RARB: variants seen among roughly 807,000 people sequenced by gnomAD.
RARB encodes retinoic acid receptor beta, also known as HBV-activated protein.
Under a neutral mutation model 51.9 loss-of-function variants are expected in RARB, and 17 were observed. That is an observed-to-expected ratio of 0.33 (90% CI 0.22 to 0.49). The LOEUF is 0.49. Ranked by LOEUF, RARB falls within the 20% of genes least tolerant of loss-of-function variation. The probability of loss-of-function intolerance (pLI) is 0.99; values close to 1 mark genes in which losing one functional copy is unlikely to be tolerated. For synonymous variants in RARB, 215 were observed against 195.4 expected, an observed-to-expected ratio of 1.10 and a Z score of -0.84; for missense variants, 369 against 550.8, an observed-to-expected ratio of 0.67 and a Z score of 3.30.
intron 2 of RARB, among the ~76,000 whole-genome samples, chr3:24,985,531 G>A (rs1043947703): frequency 6.6e-6 from 1 of 152,012 alleles, no homozygotes; most frequent in East Asian, 1.9e-4. Flanking sequence ...GTTTTCCTTT[G>A]GGGAAAAATT....
At chr3:24,975,144 G>A (rs1696483666) in intron 2 of RARB, among the ~76,000 whole-genome samples, 1 of 152,090 alleles carries the variant, frequency 6.6e-6, no homozygotes, top group African/African-American at 2.4e-5. Context: ...TAAGGATTTG[G>A]GGTTAGAATC....
At chr3:25,550,607 C>T (rs905560684) in intron 3 of RARB, among the ~76,000 whole-genome samples, 1 of 152,192 alleles carries the variant, frequency 6.6e-6, no homozygotes, top group Admixed American at 6.5e-5. Context: ...TTAGGTTTCA[C>T]TTTATTTAAA....
chr3:24,918,172 C>T (rs1279577812), intron 2 of RARB, among the ~76,000 whole-genome samples: 1 of 152,140 alleles, frequency 6.6e-6, no homozygotes, highest in African/African-American at 2.4e-5. Context: ...TGGTGAATGA[C>T]TAAACAAAAA....
At position 25,257,886 on chromosome 3, in the gene RARB, C is replaced by T. The variant is rs536130092; in HGVS notation, c.178+83311C>T. 9.2e-5 allele frequency among the ~76,000 whole-genome samples: 14 copies of T among 152,260 alleles called. No homozygotes were observed. The East Asian group carries it at 1.7e-3, about 19-fold the overall frequency. ...TCAGCCTGAAAAACTCAACCTTTCT[C>T]ATCAAAGCACAAATCATGTGTCTAC... is the stretch of plus-strand genomic sequence containing the variant. On this transcript the variant is annotated intron_variant, in intron 5 of 11. Transcript: ENST00000383772.
intron 2 of RARB, among the ~76,000 whole-genome samples, chr3:25,022,383 G>A (rs1442035606): frequency 1.3e-5 from 2 of 152,162 alleles, no homozygotes; most frequent in African/African-American, 4.8e-5. Context: ...CCCTTTGTGA[G>A]ACACATCCAT....
At chr3:25,445,187 C>G (rs919122238) in intron 1 of RARB, among the ~76,000 whole-genome samples, 1 of 151,998 alleles carries the variant, frequency 6.6e-6, no homozygotes, top group Admixed American at 6.6e-5. Context: ...TGAGCTCAGG[C>G]AATCTGCCCG....
upstream of RARB, among the ~76,000 whole-genome samples, chr3:25,423,355 A>C (rs1707909171): frequency 6.6e-6 from 1 of 152,276 alleles, no homozygotes; most frequent in Non-Finnish European, 1.5e-5. Flanking sequence ...AATGCAGTGC[A>C]TTGATGTACA....
At chr3:25,164,529 T>C (rs981500964) in intron 4 of RARB, among the ~76,000 whole-genome samples, 1 of 152,212 alleles carries the variant, frequency 6.6e-6, no homozygotes, top group Non-Finnish European at 1.5e-5. Flanking sequence ...GCTTTTTTGT[T>C]GTCTTGACTT....
At chr3:25,469,598 G>C (rs1056425897) in intron 2 of RARB, among the ~76,000 whole-genome samples, 2 of 152,198 alleles carry the variant, frequency 1.3e-5, no homozygotes, top group Non-Finnish European at 2.9e-5. Flanking sequence ...GCGTCCCTCT[G>C]TTCCCTGTTG....
At chr3:25,456,848 G>A (rs954756254) in intron 1 of RARB, among the ~76,000 whole-genome samples, 1 of 151,004 alleles carries the variant, frequency 6.6e-6, no homozygotes, top group Non-Finnish European at 1.5e-5. Context: ...TTCATTTATG[G>A]CATTTGCAGG....
In RARB at chr3:25,501,178, G is replaced by A. The variant is rs775520102; in HGVS notation, c.307-4G>A. 10 of 1,569,864 alleles carry A rather than the reference G, an allele frequency of 6.4e-6. No individual in the cohort carries two copies. The highest frequency in any genetic ancestry group is 6.0e-6 in the Non-Finnish European group (7 of 1,164,750). On this transcript the variant is annotated splice_region_variant and splice_polypyrimidine_tract_variant and intron_variant, in intron 2 of 7. Coordinates refer to ENST00000330688, the MANE Select transcript of RARB (RefSeq NM_000965.5). ...AGTTTTTTCATCTTCTTGCTTGCTTGCAGGGCTTTTTCCGCAGAAGTATTC... is the reference window on the plus strand; with the variant it reads ...AGTTTTTTCATCTTCTTGCTTGCTTACAGGGCTTTTTCCGCAGAAGTATTC...
chr3:24,915,076 T>A (rs934555474), intron 2 of RARB, among the ~76,000 whole-genome samples: 2 of 152,162 alleles, frequency 1.3e-5, no homozygotes, highest in Non-Finnish European at 2.9e-5. Flanking sequence ...TAGTGGTTAG[T>A]GGGGAGAGGA....
chr3:25,319,415 G>A (rs1704508175), intron 5 of RARB, among the ~76,000 whole-genome samples: 1 of 152,172 alleles, frequency 6.6e-6, no homozygotes, highest in Admixed American at 6.5e-5. Flanking sequence ...AGGGTGAGGG[G>A]GCTTTGAGTA....
intron 1 of RARB, among the ~76,000 whole-genome samples, chr3:25,459,088 T>C (rs965208775): frequency 1.3e-5 from 2 of 152,202 alleles, no homozygotes; most frequent in African/African-American, 4.8e-5. Context: ...ATGTAGAATA[T>C]AAAATTATAT....
At chr3:25,418,049 G>A (rs1707755303) in intron 5 of RARB, among the ~76,000 whole-genome samples, 1 of 152,138 alleles carries the variant, frequency 6.6e-6, no homozygotes, top group South Asian at 2.1e-4. Context: ...GATAGCAAGT[G>A]GAAGGTGGGA....
intron 5 of RARB, among the ~76,000 whole-genome samples, chr3:25,336,275 T>C (rs561302975): frequency 9.2e-5 from 14 of 152,332 alleles, no homozygotes; most frequent in Non-Finnish European, 1.3e-4. Context: ...TTTAGAGATA[T>C]AGTCTATTAT....
At chr3:25,309,096 G>C (rs1033373894) in intron 5 of RARB, among the ~76,000 whole-genome samples, 2 of 136,340 alleles carry the variant, frequency 1.5e-5, no homozygotes, top group Non-Finnish European at 3.2e-5. Flanking sequence ...CTTTTTTCCT[G>C]TCCCCTGTCA....
intron 3 of RARB, among the ~76,000 whole-genome samples, chr3:25,077,459 C>T (rs1559457963): frequency 6.6e-6 from 1 of 151,928 alleles, no homozygotes; most frequent in Non-Finnish European, 1.5e-5. Context: ...ATGAACCTAC[C>T]CTTTTGTATC....
At chr3:24,859,035 T>C (rs1331712250) in intron 2 of RARB, among the ~76,000 whole-genome samples, 15 of 48,526 alleles carry the variant, frequency 3.1e-4, no homozygotes, top group African/African-American at 1.6e-3. Flanking sequence ...AGACTCTGTC[T>C]CAAAAAAAAA....
Sources: allele counts gnomAD v4.1 joint callset (sites outside exome capture counted in the v4.1 genomes callset), GRCh38; gene constraint gnomAD v4.1.1; transcripts MANE v1.5; gene names NCBI Gene and HGNC (gene_info 2026-07-23, HGNC 2026-07-21).